The following DOCK1 variants were observed in gnomAD, a reference collection of about 807,000 sequenced individuals.
The protein encoded by DOCK1 is dedicator of cytokinesis 1.
Under a neutral mutation model 262.7 loss-of-function variants are expected in DOCK1, and 138 were observed. That is an observed-to-expected ratio of 0.53 (90% CI 0.46 to 0.61). The LOEUF is 0.61. DOCK1 is among the 20% of genes least tolerant of loss of function. DOCK1 has a pLI of 0.00. For synonymous variants in DOCK1, 866 were observed against 867.4 expected, an observed-to-expected ratio of 1.00 and a Z score of 0.03; for missense variants, 1,908 against 2,370.7, an observed-to-expected ratio of 0.80 and a Z score of 4.05.
At chr10:126,965,176 G>A (rs1456589532) in intron 1 of DOCK1, among the ~76,000 whole-genome samples, 2 of 152,180 alleles carry the variant, frequency 1.3e-5, no homozygotes, top group Admixed American at 6.5e-5. Context: ...AGGTCTGCGT[G>A]TAACTTCTTC....
intron 29 of DOCK1, among the ~76,000 whole-genome samples, chr10:127,316,562 T>G (rs1053526138): frequency 2.2e-4 from 33 of 152,246 alleles, no homozygotes; most frequent in African/African-American, 7.7e-4. Context: ...TCTTCTTTCC[T>G]TTTTATATTT....
chr10:127,364,291 A>G (rs904956915), intron 33 of DOCK1, among the ~76,000 whole-genome samples: 3 of 152,164 alleles, frequency 2.0e-5, no homozygotes, highest in African/African-American at 7.2e-5. Flanking sequence ...TTGAAAACCC[A>G]TTGCAGAGGA....
At chr10:127,352,902 C>T (rs920108292) in intron 31 of DOCK1, among the ~76,000 whole-genome samples, 2 of 152,142 alleles carry the variant, frequency 1.3e-5, no homozygotes, top group African/African-American at 4.8e-5. Context: ...CTGGGCCTTC[C>T]TATTTTGAGG....
intron 27 of DOCK1, among the ~76,000 whole-genome samples, chr10:127,133,121 T>G (rs1189234211): frequency 2.0e-5 from 3 of 152,150 alleles, no homozygotes; most frequent in African/African-American, 7.2e-5. Flanking sequence ...GCATCTTTGG[T>G]GGGGAATTTG....
At position 127,018,771 on chromosome 10, in the gene DOCK1, G is replaced by T. The variant is rs780137538; in HGVS notation, c.1263G>T (p.Pro421=). 16 of 1,613,850 alleles carry T rather than the reference G, an allele frequency of 9.9e-6. No individual in the cohort carries two copies. Among genetic ancestry groups the T allele is most frequent in the Non-Finnish European group, 1.3e-5 (15 of 1,179,906 alleles). ...GDIHQIRKEF[P]HLVDRTTAVA... ...TCCATCAGATCCGAAAAGAGTTTCCGCATTTAGTGGACAGGACCACAGCTG... is the reference window on the plus strand; with the variant it reads ...TCCATCAGATCCGAAAAGAGTTTCCTCATTTAGTGGACAGGACCACAGCTG... The change falls in exon 13 of 52, where the codon CCG becomes CCT. Residue 421 remains proline, a synonymous_variant. Coordinates refer to ENST00000623213, the MANE Select transcript of DOCK1 (RefSeq NM_001290223.2).
At position 127,398,167 on chromosome 10, in the gene DOCK1, G is replaced by A. The variant is rs1255744660; in HGVS notation, c.3928-4888G>A. Reference sequence around the variant, plus strand: ...TGCTGGTGCAGGGAATCAGGCCTGAGTCTGTGTCAGAAAGGTCTTTGCAAA... The same window carrying A: ...TGCTGGTGCAGGGAATCAGGCCTGAATCTGTGTCAGAAAGGTCTTTGCAAA... On this transcript the variant is annotated intron_variant, in intron 38 of 51. Transcript: ENST00000623213. 2.0e-5 allele frequency among the ~76,000 whole-genome samples: 3 copies of A among 152,210 alleles called. No homozygotes were observed. The South Asian group carries it at 6.2e-4, about 32-fold the overall frequency.
chr10:127,370,878 C>G (rs1187293113), intron 33 of DOCK1, among the ~76,000 whole-genome samples: 2 of 152,004 alleles, frequency 1.3e-5, no homozygotes, highest in Non-Finnish European at 2.9e-5. Context: ...AGTTGGACAC[C>G]CTGTGAATAT....
At chr10:127,071,458 C>G (rs905772390) in intron 23 of DOCK1, among the ~76,000 whole-genome samples, 1 of 152,226 alleles carries the variant, frequency 6.6e-6, no homozygotes, top group Non-Finnish European at 1.5e-5. Flanking sequence ...GCAACAGTAG[C>G]TGAAATGAAA....
intron 1 of DOCK1, among the ~76,000 whole-genome samples, chr10:126,943,599 A>G (rs2035178834): frequency 6.6e-6 from 1 of 152,188 alleles, no homozygotes; most frequent in Admixed American, 6.5e-5. Context: ...CTGCAAAATG[A>G]CTGCTGTGTG....
chr10:127,104,186 T>C (rs1300289720), intron 23 of DOCK1, among the ~76,000 whole-genome samples: 1 of 152,204 alleles, frequency 6.6e-6, no homozygotes, highest in Non-Finnish European at 1.5e-5. Flanking sequence ...CTTTAGCAGA[T>C]ATATGATCTC....
intron 29 of DOCK1, among the ~76,000 whole-genome samples, chr10:127,336,754 T>A (rs747036018): frequency 1.4e-4 from 22 of 152,258 alleles, no homozygotes; most frequent in Non-Finnish European, 2.5e-4. Context: ...TTAGCCAGGA[T>A]GGTCTCAATC....
At chr10:127,249,024 G>A (rs558744705) in intron 28 of DOCK1, among the ~76,000 whole-genome samples, 18 of 152,158 alleles carry the variant, frequency 1.2e-4, no homozygotes, top group Admixed American at 1.2e-3. Flanking sequence ...ACCACCCCCT[G>A]GTCCATGGAA....
chr10:127,339,080 T>G lies in DOCK1; in HGVS notation c.3119T>G (p.Leu1040Arg). 6.4e-7 allele frequency: 1 copy of G among 1,571,014 alleles called. No individual in the cohort carries two copies. The highest frequency in any genetic ancestry group is 2.3e-5 in the East Asian group (1 of 42,788). The change falls in exon 30 of 52, where the codon CTA becomes CGA. Residue 1040 changes from leucine (L) to arginine (R), a missense_variant. By Grantham distance (102) the Leu-to-Arg change is moderately radical. Coordinates refer to ENST00000623213, the MANE Select transcript of DOCK1 (RefSeq NM_001290223.2). ...KKFLDQANFE[L>R]QLWNNYFHLA... ...TTTCTGGATCAAGCCAACTTTGAGCTACAGGTAAGAGAAGAGGTAGACACG... is the reference window on the plus strand; with the variant it reads ...TTTCTGGATCAAGCCAACTTTGAGCGACAGGTAAGAGAAGAGGTAGACACG...
chr10:127,061,083 C>G (rs1315014471), intron 22 of DOCK1, among the ~76,000 whole-genome samples: 1 of 152,086 alleles, frequency 6.6e-6, no homozygotes. Flanking sequence ...TAAAAATTAG[C>G]TGGGCATGGT....
intron 22 of DOCK1, among the ~76,000 whole-genome samples, chr10:127,055,642 G>C (rs2045091634): frequency 6.6e-6 from 1 of 152,228 alleles, no homozygotes; most frequent in Non-Finnish European, 1.5e-5. Flanking sequence ...TTCCCTGAGA[G>C]CTTCCCTAAC....
rs368330561 is a variant in DOCK1, at chr10:127,343,686, C to T, written c.3164C>T (p.Thr1055Ile). ...NYFHLAVAFL[T>I]QESLQLENFS... ...TTTCACCTGGCTGTTGCTTTCCTTA[C>T]TCAAGAGTCCCTGCAACTGGAGAAT... Residue 1055 changes from threonine (T) to isoleucine (I), a missense_variant, in exon 31 of 52, where the codon ACT becomes ATT. By Grantham distance (89) the Thr-to-Ile change is moderately conservative. Transcript: ENST00000623213. 2.5e-6 allele frequency: 4 copies of T among 1,611,630 alleles called. No individual in the cohort carries two copies. The highest frequency in any genetic ancestry group is 3.4e-6 in the Non-Finnish European group (4 of 1,179,118).
intron 10 of DOCK1, among the ~76,000 whole-genome samples, chr10:127,003,135 C>A (rs917121256): frequency 6.7e-6 from 1 of 150,086 alleles, no homozygotes; most frequent in African/African-American, 2.5e-5. Flanking sequence ...AACCTCTGAA[C>A]CTGCATGAAC....
chr10:127,339,748 A>G (rs956749489), intron 30 of DOCK1, among the ~76,000 whole-genome samples: 2 of 95,704 alleles, frequency 2.1e-5, no homozygotes, highest in African/African-American at 7.8e-5. Flanking sequence ...TGCTGTAAGG[A>G]TTGATTTTGC....
At chr10:127,370,797 T>C (rs1311803796) in intron 33 of DOCK1, among the ~76,000 whole-genome samples, 3 of 152,238 alleles carry the variant, frequency 2.0e-5, no homozygotes, top group African/African-American at 4.8e-5. Flanking sequence ...TATTCATAAG[T>C]GTTCTCTTGT....
Sources: allele counts gnomAD v4.1 joint callset (sites outside exome capture counted in the v4.1 genomes callset), GRCh38; gene constraint gnomAD v4.1.1; transcripts MANE v1.5; gene names NCBI Gene and HGNC (gene_info 2026-07-23, HGNC 2026-07-21).